The following POM121 variants were observed in gnomAD, a reference collection of about 807,000 sequenced individuals.
POM121 encodes POM121 transmembrane nucleoporin, also known as nuclear envelope pore membrane protein POM 121.
A neutral mutation model predicts 81.3 loss-of-function variants in POM121; 32 were observed. That is an observed-to-expected ratio of 0.39 (90% confidence interval 0.30 to 0.53). The LOEUF is 0.53. Among genes scored for constraint, POM121 ranks in the 20% least tolerant of loss-of-function variants. The pLI is 0.66. For missense variants in POM121, 1,138 were observed against 1,614.6 expected, an observed-to-expected ratio of 0.70 and a Z score of 5.06; for synonymous variants, 514 against 694.2, an observed-to-expected ratio of 0.74 and a Z score of 4.08.
chr7:72,938,802 T>G, intron 6 of POM121, 121 bp downstream of exon 6: 2 of 1,217,456 alleles, frequency 1.6e-6, no homozygotes, highest in South Asian at 1.2e-5. Flanking sequence ...CAAAGAAACT[T>G]AAGTCCCTGA....
At chr7:72,932,243 C>A (rs1796093808) in intron 5 of POM121, among the ~76,000 whole-genome samples, 4 of 151,046 alleles carry the variant, frequency 2.6e-5, no homozygotes, top group Non-Finnish European at 5.9e-5. Context: ...TTTTTCCTTC[C>A]TCTCCATTTT....
chr7:72,907,971 C>A (rs1554493702), intron 3 of POM121, among the ~76,000 whole-genome samples: 1 of 151,838 alleles, frequency 6.6e-6, no homozygotes, highest in Non-Finnish European at 1.5e-5. Flanking sequence ...AATTTTTTTT[C>A]TTATGGCAAG....
intron 3 of POM121, among the ~76,000 whole-genome samples, chr7:72,902,938 A>G (rs1354186235): frequency 1.3e-5 from 2 of 152,180 alleles, no homozygotes; most frequent in Admixed American, 1.3e-4. Context: ...CTTTTTGAGC[A>G]GATTTCAGAC....
intron 12 of POM121, 85 bp downstream of exon 12, chr7:72,945,793 CG>C: frequency 6.6e-7 from 1 of 1,517,692 alleles, no homozygotes; most frequent in Non-Finnish European, 8.8e-7. Flanking sequence ...CTCTGAGGCC[CG>C]GTGAAGATCA....
chr7:72,925,632 G>GCGCCGCGCTCCCCCC lies in POM121; in HGVS notation c.524_525insCCCGCCGCGCTCCCC (p.Arg183_Pro187dup), dbSNP rs1563154842. On this transcript the variant is annotated inframe_insertion, in exon 1 of 13. Transcript: ENST00000434423. Reference sequence around the variant, plus strand: ...TGGCCGCCGCCCACCTGCCCGCCCGGCGCCGCGCTCCCCACCGCCGCGCTC... The same window carrying GCGCCGCGCTCCCCCC: ...TGGCCGCCGCCCACCTGCCCGCCCGGCGCCGCGCTCCCCCCCGCCGCGCTCCCCACCGCCGCGCTC... 2.4e-6 allele frequency: 3 copies of GCGCCGCGCTCCCCCC among 1,261,596 alleles called. No homozygotes were observed. The highest frequency in any genetic ancestry group is 3.5e-5 in the African/African-American group (2 of 57,252). 78.2% of individuals were successfully genotyped at this position (1,261,596 alleles called of 1,614,324 possible). A position where few individuals can be genotyped will look rare whatever the true frequency, so the allele number is the denominator to read the frequency against.
At chr7:72,899,495 G>A (rs1792345735) in intron 3 of POM121, among the ~76,000 whole-genome samples, 1 of 152,024 alleles carries the variant, frequency 6.6e-6, no homozygotes, top group South Asian at 2.1e-4. Flanking sequence ...TGTCGGAGAC[G>A]GGTGTTCCAG....
Position 72,946,215 on chromosome 7 carries a change from A to G in POM121, c.3731A>G (p.Gln1244Arg). 6.2e-7 allele frequency: 1 copy of G among 1,611,672 alleles called. No homozygotes were observed. Among genetic ancestry groups the G allele is most frequent in the Non-Finnish European group, 8.5e-7 (1 of 1,179,702 alleles). ...GARQRLQARR[Q>R]HTRKK ...CGACAGCGACTGCAGGCCCGAAGGC[A>G]GCACACCCGCAAAAAGTAGCCTTTG... Residue 1244 changes from glutamine (Q) to arginine (R), a missense_variant, in exon 13 of 13, where the codon CAG becomes CGG. Gln to Arg is a conservative substitution (Grantham distance 43). Around this residue, in one of 7 missense-constraint regions of POM121, gnomAD observed 336 missense variants for 344.3 expected, o/e 0.98. Transcript: ENST00000434423.
chr7:72,918,860 C>T (rs1354229858), intron 4 of POM121, among the ~76,000 whole-genome samples: 77 of 152,002 alleles, frequency 5.1e-4, no homozygotes, highest in African/African-American at 1.8e-3. Context: ...TGCAGTGGCG[C>T]GATCTCGGCT....
chr7:72,921,141 G>A (rs183127195), upstream of POM121, among the ~76,000 whole-genome samples: 104 of 152,238 alleles, frequency 6.8e-4, 1 homozygote, highest in Admixed American at 5.1e-3. Context: ...CCGAGATCGC[G>A]CCACTGCACT....
rs1795364375 is a variant in POM121 at position 72,925,694 on chromosome 7, C to T, written c.573C>T (p.Thr191=). The part of the protein sequence containing the change: ...PPRSPPPSPP[T]HRAHHVYPSL... ...GCTCCCCCCCGCCCTCCCCGCCGAC[C>T]CATCGCGCTCACCACGTTTACCCCT... The change falls in exon 1 of 13, where the codon ACC becomes ACT. Residue 191 remains threonine, a synonymous_variant. Transcript: ENST00000434423. 4 of 1,288,396 alleles carry T rather than the reference C, an allele frequency of 3.1e-6. No individual in the cohort carries two copies. Among genetic ancestry groups the T allele is most frequent in the Admixed American group, 3.5e-5 (1 of 28,764 alleles). 79.8% of individuals were successfully genotyped at this position (1,288,396 alleles called of 1,614,324 possible).
At chr7:72,882,459 T>G (rs3873470) in intron 1 of POM121, among the ~76,000 whole-genome samples, 1 of 152,376 alleles carries the variant, frequency 6.6e-6, no homozygotes, top group African/African-American at 2.4e-5. Context: ...TCTAGGACTT[T>G]GAAAAATTTC....
In POM121 at chr7:72,892,786, C is replaced by G. The variant is rs1171605455; in HGVS notation, c.-216+1676C>G. 5.3e-5 allele frequency among the ~76,000 whole-genome samples: 8 copies of G among 151,936 alleles called. 1 individual carries two copies. Among genetic ancestry groups the G allele is most frequent in the Non-Finnish European group, 1.0e-4 (7 of 67,966 alleles). Reference sequence around the variant, plus strand: ...GTTCAAGCGATTCTCCTGCCTCAGCCTCCCAAAGTAGCTGGGATTACAGGT... The same window carrying G: ...GTTCAAGCGATTCTCCTGCCTCAGCGTCCCAAAGTAGCTGGGATTACAGGT... On this transcript the variant is annotated intron_variant, in intron 3 of 15. Coordinates refer to the POM121 transcript ENST00000395270.
At chr7:72,932,305 T>C (rs1796101587) in intron 5 of POM121, among the ~76,000 whole-genome samples, 1 of 151,892 alleles carries the variant, frequency 6.6e-6, no homozygotes, top group Non-Finnish European at 1.5e-5. Context: ...TATCAGTGTA[T>C]CTGAAAACCG....
At chr7:72,907,517 CTT>C (rs1219876717) in intron 3 of POM121, among the ~76,000 whole-genome samples, 1 of 144,838 alleles carries the variant, frequency 6.9e-6, no homozygotes. Context: ...TTCTTCATTG[CTT>C]TTTTTTTTTG....
At chr7:72,907,431 T>G (rs1793355998) in intron 3 of POM121, among the ~76,000 whole-genome samples, 1 of 152,210 alleles carries the variant, frequency 6.6e-6, no homozygotes, top group Non-Finnish European at 1.5e-5. Context: ...ATTTACCGTC[T>G]TATTGCTTTT....
At chr7:72,898,251 A>G (rs572167980) in intron 3 of POM121, among the ~76,000 whole-genome samples, 1 of 152,226 alleles carries the variant, frequency 6.6e-6, no homozygotes, top group East Asian at 1.9e-4. Context: ...TTTAAAAACA[A>G]TTTTTAATGT....
At chr7:72,900,320 GCCTC>G (rs1286732245) in intron 3 of POM121, among the ~76,000 whole-genome samples, 1 of 150,920 alleles carries the variant, frequency 6.6e-6, no homozygotes, top group African/African-American at 2.4e-5. Flanking sequence ...TGTGCTAATA[GCCTC>G]CCTTTTATTC....
chr7:72,906,558 G>C (rs1436491578), intron 3 of POM121, among the ~76,000 whole-genome samples: 1 of 151,770 alleles, frequency 6.6e-6, no homozygotes, highest in Admixed American at 6.6e-5. Context: ...TAGCTCAGTG[G>C]TTGCTTCAGT....
chr7:72,916,859 T>A (rs1794336827), intron 4 of POM121, among the ~76,000 whole-genome samples: 1 of 152,202 alleles, frequency 6.6e-6, no homozygotes, highest in Non-Finnish European at 1.5e-5. Flanking sequence ...GGTTTGTAGT[T>A]CTCCTTGAAG....
Sources: gnomAD v4.1 joint callset for allele counts (sites outside exome capture counted in the v4.1 genomes callset) on GRCh38, gnomAD v4.1.1 for gene constraint, gnomAD v4.1.1 regional missense constraint, MANE v1.5 for transcripts, NCBI Gene and HGNC (gene_info 2026-07-23, HGNC 2026-07-21) for gene names.